Variants in CASK observed in about 807,000 individuals in gnomAD.
The protein encoded by CASK is calcium/calmodulin dependent serine protein kinase, also known as peripheral plasma membrane protein CASK.
CASK carries 4 observed loss-of-function variants against 82.9 expected under a neutral mutation model. That is an observed-to-expected ratio of 0.05 (90% CI 0.02 to 0.11). The LOEUF (loss-of-function observed/expected upper bound fraction) is 0.11. CASK is among the 10% of genes least tolerant of loss of function. The pLI is 1.00. For synonymous variants in CASK, 259 were observed against 253.5 expected, an observed-to-expected ratio of 1.02 and a Z score of -0.20; for missense variants, 358 against 720.9, an observed-to-expected ratio of 0.50 and a Z score of 5.76.
chrX:41,616,582 A>G (rs1051647920), intron 11 of CASK, among the ~76,000 whole-genome samples: 1 of 109,499 alleles, frequency 9.1e-6, no homozygotes, highest in Non-Finnish European at 1.9e-5. Flanking sequence ...ACAATGCCCT[A>G]TTGGGTCAGA....
rs144829181 is a variant in CASK, at chrX:41,663,282, T to C, written c.708+1995A>G. ...AAAAGAAAAAGGCCGAGATTCATCATAGATGGTAGAGATGGATCTATACTT... is the reference window on the plus strand; with the variant it reads ...AAAAGAAAAAGGCCGAGATTCATCACAGATGGTAGAGATGGATCTATACTT... On this transcript the variant is annotated intron_variant, in intron 7 of 26. Transcript: ENST00000378163. 6.9e-3 allele frequency among the ~76,000 whole-genome samples: 770 copies of C among 111,992 alleles called. 6 individuals are homozygous for C. The highest frequency in any genetic ancestry group is 9.2e-3 in the Middle Eastern group (2 of 217).
rs936581880 is a variant in CASK at position 41,786,764 on chromosome X, T to C, written c.278+414A>G. 1.9e-5 allele frequency: 3 copies of C among 161,962 alleles called. No individual in the cohort carries two copies. The Admixed American group carries it at 2.3e-4, about 12-fold the overall frequency. 13.3% of individuals were successfully genotyped at this position (161,962 alleles called of 1,213,427 possible). Reference sequence around the variant, plus strand: ...TGTGATCTATAAAATTGCCCTTATATGCCATATGGTGATTATATCAAAAGA... The same window carrying C: ...TGTGATCTATAAAATTGCCCTTATACGCCATATGGTGATTATATCAAAAGA... On this transcript the variant is annotated intron_variant, in intron 3 of 26. Coordinates refer to ENST00000378163, the MANE Select transcript of CASK (RefSeq NM_001367721.1).
chrX:41,523,648 G>A (rs1472182348), intron 26 of CASK, among the ~76,000 whole-genome samples: 1 of 112,290 alleles, frequency 8.9e-6, no homozygotes, highest in African/African-American at 3.2e-5. Context: ...GGGGCCTGGA[G>A]AGAAATTCCA....
intron 5 of CASK, among the ~76,000 whole-genome samples, chrX:41,721,598 C>T (rs964750541): frequency 8.9e-6 from 1 of 111,792 alleles, no homozygotes; most frequent in African/African-American, 3.3e-5. Flanking sequence ...CCATAAGGTA[C>T]CCTTATTGAC....
intron 8 of CASK, among the ~76,000 whole-genome samples, chrX:41,648,549 G>T: frequency 9.0e-6 from 1 of 111,210 alleles, no homozygotes; most frequent in South Asian, 3.8e-4. Flanking sequence ...AGGCATCACA[G>T]ATCCTACCAA....
intron 2 of CASK, among the ~76,000 whole-genome samples, chrX:41,840,007 C>T (rs1255105656): frequency 8.9e-6 from 1 of 111,951 alleles, no homozygotes; most frequent in Non-Finnish European, 1.9e-5. Flanking sequence ...GTACTGAAGT[C>T]AGGTAGTGTC....
intron 3 of CASK, among the ~76,000 whole-genome samples, chrX:41,771,946 C>G (rs999321610): frequency 2.4e-4 from 27 of 110,983 alleles, no homozygotes; most frequent in Non-Finnish European, 1.3e-4. Flanking sequence ...CCCAAGGATA[C>G]AAAAAGGTTG....
At chrX:41,545,034 T>C (rs1362278927) in intron 21 of CASK, among the ~76,000 whole-genome samples, 1 of 111,419 alleles carries the variant, frequency 9.0e-6, no homozygotes, top group African/African-American at 3.2e-5. Context: ...GCTGTTTTTT[T>C]TTTGTTTTTG....
intron 3 of CASK, among the ~76,000 whole-genome samples, chrX:41,748,927 G>C (rs183734354): frequency 2.1e-4 from 23 of 111,716 alleles, no homozygotes; most frequent in Admixed American, 3.8e-4. Context: ...TACACACATG[G>C]GGGTATTTTT....
chrX:41,606,419 C>T (rs948330607), intron 12 of CASK, among the ~76,000 whole-genome samples: 2 of 111,679 alleles, frequency 1.8e-5, no homozygotes, highest in African/African-American at 6.5e-5. Context: ...GTGCCCACCA[C>T]ATTTTTGTAT....
chrX:41,623,557 G>A (rs763485798), intron 10 of CASK, among the ~76,000 whole-genome samples: 1 of 110,796 alleles, frequency 9.0e-6, no homozygotes, highest in Admixed American at 9.6e-5. Context: ...TTACAGGCGC[G>A]TGGCCATCAT....
At chrX:41,781,468 AAACT>A (rs1349323839) in intron 3 of CASK, among the ~76,000 whole-genome samples, 2 of 112,420 alleles carry the variant, frequency 1.8e-5, no homozygotes, top group Non-Finnish European at 3.7e-5. Flanking sequence ...ACAAACAACA[AAACT>A]AACTGACCTA....
intron 1 of CASK, among the ~76,000 whole-genome samples, chrX:41,891,274 AAAG>A (rs1233168308): frequency 2.0e-5 from 2 of 99,600 alleles, no homozygotes; most frequent in African/African-American, 7.3e-5. Flanking sequence ...AAGACCAGAT[AAAG>A]GAGATACTGA....
At chrX:41,660,604 G>A (rs1324926490) in intron 7 of CASK, 43 bp from the exon 8 acceptor site, 1 of 1,147,414 alleles carries the variant, frequency 8.7e-7, no homozygotes, top group Non-Finnish European at 1.2e-6. Context: ...CCTTAAATGA[G>A]ACATTAACAT....
intron 14 of CASK, among the ~76,000 whole-genome samples, chrX:41,582,534 C>T (rs1024835521): frequency 1.8e-5 from 2 of 110,730 alleles, no homozygotes; most frequent in Non-Finnish European, 3.8e-5. Context: ...AGGCTGGTCT[C>T]GAACTCCTGA....
At chrX:41,686,045 G>A (rs887295791) in intron 5 of CASK, among the ~76,000 whole-genome samples, 3 of 111,628 alleles carry the variant, frequency 2.7e-5, no homozygotes, top group African/African-American at 9.8e-5. Flanking sequence ...CCCATCCCCA[G>A]AATTTCTGGC....
chrX:41,854,390 T>C (rs891745650), intron 1 of CASK, among the ~76,000 whole-genome samples: 9 of 112,305 alleles, frequency 8.0e-5, no homozygotes, highest in Admixed American at 4.7e-4. Context: ...AGCAATGTGA[T>C]TGGTTTATTT....
chrX:41,747,896 T>C (rs1441816406), intron 3 of CASK, among the ~76,000 whole-genome samples: 1 of 112,608 alleles, frequency 8.9e-6, no homozygotes, highest in African/African-American at 3.2e-5. Context: ...TCATTCATGA[T>C]TGCTTTAATT....
chrX:41,862,634 G>A (rs187479039), intron 1 of CASK, among the ~76,000 whole-genome samples: 108 of 110,210 alleles, frequency 9.8e-4, no homozygotes, highest in African/African-American at 3.4e-3. Context: ...AGAAGTGGCT[G>A]GAAAAGGAAA....
Sources: gnomAD v4.1 joint callset for allele counts (sites outside exome capture counted in the v4.1 genomes callset) on GRCh38, gnomAD v4.1.1 for gene constraint, MANE v1.5 for transcripts, NCBI Gene and HGNC (gene_info 2026-07-23, HGNC 2026-07-21) for gene names.